Variants in MTDH observed in about 807,000 individuals in gnomAD.
MTDH encodes metadherin.
In MTDH, 34 loss-of-function variants were observed where a neutral mutation model predicts 72.7. The observed-to-expected ratio is 0.47, with a 90% confidence interval of 0.36 to 0.62. The LOEUF is 0.62. MTDH is among the 20% of genes least tolerant of loss of function. MTDH has a pLI of 0.00. For synonymous variants in MTDH, 266 were observed against 268.9 expected (o/e 0.99, Z 0.10); for missense variants, 677 against 699.4 (o/e 0.97, Z 0.36).
chr8:97,686,700 T>A lies in MTDH; in HGVS notation c.516T>A (p.Asp172Glu). The A allele has an allele frequency of 6.3e-7, 1 of 1,592,448 alleles. No homozygotes were observed. The highest frequency in any genetic ancestry group is 8.5e-7 in the Non-Finnish European group (1 of 1,170,162). ...SKKNKKKSKS[D>E]AKAVQNSSRH... Reference sequence around the variant, plus strand: ...AAAATAAGAAGAAATCAAAGTCAGATGCTAAAGCAGTGCAAAACAGTTCAC... The same window carrying A: ...AAAATAAGAAGAAATCAAAGTCAGAAGCTAAAGCAGTGCAAAACAGTTCAC... The change falls in exon 3 of 12, where the codon GAT becomes GAA. Residue 172 changes from aspartate (D) to glutamate (E), a missense_variant. Coordinates refer to ENST00000336273, the MANE Select transcript of MTDH (RefSeq NM_178812.4).
At chr8:97,682,259 TATATATATATATATATATATA>T (rs1164542684) in intron 2 of MTDH, among the ~76,000 whole-genome samples, 47 of 7,684 alleles carry the variant, frequency 6.1e-3, no homozygotes, top group Middle Eastern at 0.031. Context: ...TATATATATA[TATATATATATATATATATATA>T]TTTTTTTTTT....
intron 10 of MTDH, among the ~76,000 whole-genome samples, chr8:97,721,721 A>G (rs1815135639): frequency 6.6e-6 from 1 of 152,210 alleles, no homozygotes; most frequent in Non-Finnish European, 1.5e-5. Context: ...CCAGGTCCTG[A>G]TCATTTATTA....
chr8:97,705,020 C>G (rs543132855), intron 7 of MTDH, among the ~76,000 whole-genome samples: 1 of 152,190 alleles, frequency 6.6e-6, no homozygotes, highest in African/African-American at 2.4e-5. Flanking sequence ...TGAGTAAGGC[C>G]GGGCACAGTG....
intron 11 of MTDH, 115 bp from the exon 12 acceptor site, chr8:97,724,485 A>G (rs1815278545): frequency 2.9e-6 from 2 of 694,438 alleles, no homozygotes; most frequent in Non-Finnish European, 4.6e-6. Flanking sequence ...CTTAAACATA[A>G]AATTTGAGTA....
Position 97,714,117 on chromosome 8 carries a change from A to G in MTDH, c.1380+348A>G, listed in dbSNP as rs114224557. On this transcript the variant is annotated intron_variant, in intron 9 of 11. Coordinates refer to ENST00000336273, the MANE Select transcript of MTDH (RefSeq NM_178812.4). ...AGGTAACATTTAGCACACATAGAAA[A>G]ACCATGTGTATAACAAGTGGAGTCT... 7.7e-3 allele frequency among the ~76,000 whole-genome samples: 1,171 copies of G among 152,266 alleles called. 15 individuals carry two copies. The highest frequency in any genetic ancestry group is 0.026 in the African/African-American group (1,095 of 41,550).
At chr8:97,666,176 T>G (rs889713940) in intron 2 of MTDH, among the ~76,000 whole-genome samples, 1 of 151,464 alleles carries the variant, frequency 6.6e-6, no homozygotes, top group Non-Finnish European at 1.5e-5. Context: ...ATGTAAAGAT[T>G]GCTAGTGAGA....
At chr8:97,661,037 G>T (rs1405492847) in intron 1 of MTDH, 35 bp from the exon 2 acceptor site, 1 of 1,548,228 alleles carries the variant, frequency 6.5e-7, no homozygotes, top group African/African-American at 1.4e-5. Flanking sequence ...CTGCTAAGCA[G>T]TTTGATAATA....
chr8:97,715,207 A>T (rs1814813775), intron 9 of MTDH, among the ~76,000 whole-genome samples: 1 of 151,806 alleles, frequency 6.6e-6, no homozygotes, highest in Non-Finnish European at 1.5e-5. Context: ...ACCTCACTGT[A>T]ACCTGCCTCT....
chr8:97,669,821 C>G (rs1473671446), intron 2 of MTDH, among the ~76,000 whole-genome samples: 4 of 149,062 alleles, frequency 2.7e-5, no homozygotes, highest in Non-Finnish European at 5.9e-5. Flanking sequence ...GAGGGTGAGG[C>G]AGGAGAATCA....
Position 97,729,570 on chromosome 8 carries a change from T to G in MTDH, c.*4900T>G, listed in dbSNP as rs1009296468. ...CCAAAGCATTTTTGAGATCAAGTGT[T>G]CTTCCAGCTGAGCAGAAATTTGGAA... On this transcript the variant is annotated 3_prime_UTR_variant, in exon 12 of 12. Transcript: ENST00000336273. Among the ~76,000 whole-genome samples the G allele has an allele frequency of 3.3e-5, 5 of 152,214 alleles. No individual in the cohort carries two copies. The highest frequency in any genetic ancestry group is 1.9e-4 in the East Asian group (1 of 5,200).
chr8:97,698,156 C>A (rs1274220674), intron 6 of MTDH, among the ~76,000 whole-genome samples: 1 of 152,130 alleles, frequency 6.6e-6, no homozygotes, highest in African/African-American at 2.4e-5. Flanking sequence ...CGTGGGAGGA[C>A]GTGATTGTAT....
chr8:97,674,838 T>C (rs1015312692), intron 2 of MTDH, among the ~76,000 whole-genome samples: 4 of 151,450 alleles, frequency 2.6e-5, no homozygotes, highest in Non-Finnish European at 5.9e-5. Flanking sequence ...TGAGACAGAG[T>C]CTTGCTCTGT....
intron 7 of MTDH, among the ~76,000 whole-genome samples, chr8:97,700,554 G>A (rs1456722152): frequency 6.6e-6 from 1 of 152,146 alleles, no homozygotes; most frequent in Non-Finnish European, 1.5e-5. Flanking sequence ...ATACACTCAG[G>A]ACCTAGTGCA....
intron 8 of MTDH, among the ~76,000 whole-genome samples, chr8:97,711,364 C>T (rs1814626786): frequency 6.6e-6 from 1 of 150,840 alleles, no homozygotes; most frequent in African/African-American, 2.4e-5. Context: ...GAAAAATCAG[C>T]CTGTAGTCCC....
chr8:97,644,596 C>T lies in MTDH; in HGVS notation c.90C>T (p.Gly30=). 1.9e-6 allele frequency: 3 copies of T among 1,609,222 alleles called. No individual in the cohort carries two copies. Among genetic ancestry groups the T allele is most frequent in the Non-Finnish European group, 2.5e-6 (3 of 1,179,228 alleles). ...RLREMLSVGL[G]FLRTELGLDL... ...GGGAAATGCTCTCGGTCGGCCTAGG[C>T]TTTCTGCGCACCGAGCTGGGCCTCG... The change falls in exon 1 of 12, where the codon GGC becomes GGT. Residue 30 remains glycine, a synonymous_variant. Coordinates refer to ENST00000336273, the MANE Select transcript of MTDH (RefSeq NM_178812.4).
intron 8 of MTDH, among the ~76,000 whole-genome samples, chr8:97,709,472 T>C (rs995209809): frequency 2.6e-5 from 4 of 152,192 alleles, no homozygotes; most frequent in Non-Finnish European, 2.9e-5. Context: ...TCTGAATATA[T>C]TCAGAGATTA....
intron 2 of MTDH, among the ~76,000 whole-genome samples, chr8:97,674,974 C>T (rs1178862458): frequency 2.0e-5 from 3 of 152,094 alleles, no homozygotes; most frequent in Non-Finnish European, 4.4e-5. Context: ...CCACACCCGA[C>T]TAATTTTTTA....
At chr8:97,706,004 C>A (rs767947716) in intron 7 of MTDH, among the ~76,000 whole-genome samples, 7 of 152,014 alleles carry the variant, frequency 4.6e-5, no homozygotes, top group Non-Finnish European at 1.0e-4. Context: ...GATTGAAGCC[C>A]TGAAAGTTAT....
intron 1 of MTDH, among the ~76,000 whole-genome samples, chr8:97,647,913 C>G (rs1172468471): frequency 4.0e-5 from 6 of 150,298 alleles, no homozygotes; most frequent in Admixed American, 4.0e-4. Context: ...GACTGCACTC[C>G]AGCCTGGGCA....
Sources: gnomAD v4.1 joint callset for allele counts (sites outside exome capture counted in the v4.1 genomes callset) on GRCh38, gnomAD v4.1.1 for gene constraint, MANE v1.5 for transcripts, NCBI Gene and HGNC (gene_info 2026-07-23, HGNC 2026-07-21) for gene names.